NCKAP5: variants seen among roughly 807,000 people sequenced by gnomAD.
The protein encoded by NCKAP5 is NCK associated protein 5.
A neutral mutation model predicts 167.0 loss-of-function variants in NCKAP5; 92 were observed. The observed-to-expected ratio is 0.55, with a 90% CI of 0.47 to 0.66. NCKAP5 has a LOEUF of 0.66. Ranked by LOEUF, NCKAP5 falls within the 30% of genes least tolerant of loss-of-function variation. NCKAP5 has a pLI of 0.00. For synonymous variants in NCKAP5, 891 were observed against 877.4 expected, an observed-to-expected ratio of 1.02 and a Z score of -0.27; for missense variants, 2,378 against 2,315.0, an observed-to-expected ratio of 1.03 and a Z score of -0.56.
chr2:132,677,960 A>G (rs1246361568), intron 19 of NCKAP5, among the ~76,000 whole-genome samples: 1 of 152,054 alleles, frequency 6.6e-6, no homozygotes, highest in Non-Finnish European at 1.5e-5. Context: ...GTGAAATTAG[A>G]CCTTAAAACT....
chr2:133,160,120 T>C (rs1344210401), intron 5 of NCKAP5, among the ~76,000 whole-genome samples: 4 of 152,160 alleles, frequency 2.6e-5, no homozygotes, highest in South Asian at 2.1e-4. Flanking sequence ...CTGGGTGACA[T>C]AGAACAATAG....
At chr2:133,129,936 A>G (rs779881663) in intron 6 of NCKAP5, 42 bp downstream of exon 6, 2 of 1,544,054 alleles carry the variant, frequency 1.3e-6, no homozygotes, top group Non-Finnish European at 1.7e-6. Flanking sequence ...GTGCAGAGAG[A>G]GATGCACCTC....
chr2:133,516,766 G>T (rs1413181382), intron 3 of NCKAP5, among the ~76,000 whole-genome samples: 1 of 152,214 alleles, frequency 6.6e-6, no homozygotes, highest in African/African-American at 2.4e-5. Flanking sequence ...CAGAAAGTTT[G>T]CTTTCTATTT....
the NCKAP5 span, among the ~76,000 whole-genome samples, chr2:133,627,403 T>G: frequency 6.6e-6 from 1 of 152,222 alleles, no homozygotes; most frequent in South Asian, 2.1e-4. Context: ...TGTTTTTATA[T>G]AGACACTAAC....
chr2:133,650,801 G>T, the NCKAP5 span, among the ~76,000 whole-genome samples: 5 of 152,124 alleles, frequency 3.3e-5, no homozygotes, highest in African/African-American at 9.7e-5. Flanking sequence ...AGAATCACTC[G>T]AACCCAGGAA....
At chr2:132,960,798 T>G (rs1433298982) in intron 8 of NCKAP5, among the ~76,000 whole-genome samples, 8 of 152,182 alleles carry the variant, frequency 5.3e-5, no homozygotes, top group African/African-American at 9.6e-5. Flanking sequence ...CATTTCATTT[T>G]CCACACCTTC....
intron 4 of NCKAP5, among the ~76,000 whole-genome samples, chr2:133,297,620 CT>C (rs1680062938): frequency 6.6e-6 from 1 of 152,158 alleles, no homozygotes; most frequent in African/African-American, 2.4e-5. Context: ...ACTTTTTAAT[CT>C]TTGCACCTAG....
chr2:133,229,593 C>T (rs956441470), intron 4 of NCKAP5, among the ~76,000 whole-genome samples: 13 of 152,132 alleles, frequency 8.5e-5, no homozygotes, highest in African/African-American at 2.4e-4. Context: ...CCAACCATGA[C>T]GTAGGTGCTA....
At chr2:133,095,910 C>T (rs1270271794) in intron 6 of NCKAP5, among the ~76,000 whole-genome samples, 1 of 152,108 alleles carries the variant, frequency 6.6e-6, no homozygotes, top group African/African-American at 2.4e-5. Context: ...ACTGTGAGTA[C>T]TTCTCCCCAT....
At chr2:132,900,977 G>GAAAAAAAAAAAAAAAAA (rs58885401) in intron 8 of NCKAP5, among the ~76,000 whole-genome samples, 1 of 98,692 alleles carries the variant, frequency 1.0e-5, no homozygotes, top group Non-Finnish European at 2.1e-5. Context: ...AAAAAAAAAA[G>GAAAAAAAAAAAAAAAAA]AAAAAAAAAA....
intron 11 of NCKAP5, among the ~76,000 whole-genome samples, chr2:132,801,146 A>C (rs938770581): frequency 1.3e-5 from 2 of 152,186 alleles, no homozygotes; most frequent in Non-Finnish European, 2.9e-5. Flanking sequence ...AACTCAGCAC[A>C]GCAACCTTGG....
chr2:133,370,496 T>TG (rs1685733101), intron 3 of NCKAP5, among the ~76,000 whole-genome samples: 1 of 152,160 alleles, frequency 6.6e-6, no homozygotes, highest in Non-Finnish European at 1.5e-5. Context: ...AGAGGTTATG[T>TG]GGAAAAAGGG....
chr2:133,455,869 G>T (rs1411098976), intron 3 of NCKAP5, among the ~76,000 whole-genome samples: 1 of 152,002 alleles, frequency 6.6e-6, no homozygotes, highest in Non-Finnish European at 1.5e-5. Flanking sequence ...TATCAGCCGT[G>T]GTTAGATGTA....
At chr2:132,736,112 T>G (rs1021751221) in intron 16 of NCKAP5, among the ~76,000 whole-genome samples, 3 of 152,100 alleles carry the variant, frequency 2.0e-5, no homozygotes, top group Non-Finnish European at 4.4e-5. Context: ...AGATGCCAAA[T>G]GTAGTGAATG....
intron 3 of NCKAP5, among the ~76,000 whole-genome samples, chr2:133,368,839 T>C (rs1183280296): frequency 2.6e-5 from 4 of 152,210 alleles, no homozygotes; most frequent in Non-Finnish European, 4.4e-5. Context: ...CAGTATAACA[T>C]TGCATGACAC....
chr2:133,088,638 T>C (rs2081073385), intron 6 of NCKAP5, among the ~76,000 whole-genome samples: 1 of 152,184 alleles, frequency 6.6e-6, no homozygotes, highest in African/African-American at 2.4e-5. Flanking sequence ...AAATATTATG[T>C]AATGCTGCCT....
intron 3 of NCKAP5, among the ~76,000 whole-genome samples, chr2:133,487,999 G>C (rs1170655968): frequency 6.6e-6 from 1 of 152,094 alleles, no homozygotes; most frequent in African/African-American, 2.4e-5. Flanking sequence ...TAACAGAACT[G>C]CATTTTCACT....
intron 3 of NCKAP5, among the ~76,000 whole-genome samples, chr2:133,468,627 A>T (rs1392469728): frequency 6.6e-6 from 1 of 152,164 alleles, no homozygotes; most frequent in South Asian, 2.1e-4. Context: ...AGTCTCCATT[A>T]TTAATGTGTG....
intron 3 of NCKAP5, among the ~76,000 whole-genome samples, chr2:133,468,620 CT>C (rs2151269958): frequency 6.6e-6 from 1 of 152,214 alleles, no homozygotes; most frequent in African/African-American, 2.4e-5. Flanking sequence ...GTGTTAAAGT[CT>C]CCATTATTAA....
Sources: gnomAD v4.1 joint callset for allele counts (sites outside exome capture counted in the v4.1 genomes callset) on GRCh38, gnomAD v4.1.1 for gene constraint, MANE v1.5 for transcripts, NCBI Gene and HGNC (gene_info 2026-07-23, HGNC 2026-07-21) for gene names.